Variants in STARD13 observed in about 807,000 individuals in gnomAD.
STARD13 encodes the protein stAR-related lipid transfer protein 13.
In STARD13, 62 loss-of-function variants were observed where a neutral mutation model predicts 106.4. That is an observed-to-expected ratio of 0.58 (90% CI 0.48 to 0.72). STARD13 has a LOEUF of 0.72. Ranked by LOEUF, STARD13 falls within the 30% of genes least tolerant of loss-of-function variation. STARD13 has a pLI of 0.00. For synonymous variants in STARD13, 565 were observed against 553.0 expected (o/e 1.02, Z -0.31); for missense variants, 1,387 against 1,424.0 (o/e 0.97, Z 0.42).
chr13:33,372,146 G>A, the STARD13 span, among the ~76,000 whole-genome samples: 3 of 152,120 alleles, frequency 2.0e-5, no homozygotes, highest in African/African-American at 7.2e-5. Flanking sequence ...ATAAGCAGTC[G>A]GGGAATATAT....
At chr13:33,451,596 G>T in the STARD13 span, among the ~76,000 whole-genome samples, 1 of 152,182 alleles carries the variant, frequency 6.6e-6, no homozygotes. Flanking sequence ...TACACATTGA[G>T]TTTGAAGTGA....
At chr13:33,381,998 A>G in the STARD13 span, among the ~76,000 whole-genome samples, 5 of 152,166 alleles carry the variant, frequency 3.3e-5, no homozygotes, top group Non-Finnish European at 7.3e-5. Flanking sequence ...CATGGCCACA[A>G]AGGATGGGAT....
chr13:33,161,313 T>C (rs911255126), intron 3 of STARD13, among the ~76,000 whole-genome samples: 4 of 151,880 alleles, frequency 2.6e-5, no homozygotes, highest in African/African-American at 9.7e-5. Context: ...GGAAACTGTT[T>C]TATATCTTTT....
the STARD13 span, among the ~76,000 whole-genome samples, chr13:33,572,256 G>T: frequency 6.6e-6 from 1 of 152,098 alleles, no homozygotes; most frequent in Non-Finnish European, 1.5e-5. Flanking sequence ...TCTGTACATT[G>T]TGAATTATAA....
chr13:33,359,123 T>G, the STARD13 span, among the ~76,000 whole-genome samples: 1 of 144,550 alleles, frequency 6.9e-6, no homozygotes, highest in Non-Finnish European at 1.5e-5. Flanking sequence ...CCCGCTCAGG[T>G]TGCCTTCCAC....
At chr13:33,144,513 C>T (rs186279400) in intron 3 of STARD13, among the ~76,000 whole-genome samples, 8 of 152,348 alleles carry the variant, frequency 5.3e-5, no homozygotes, top group South Asian at 2.1e-4. Flanking sequence ...TTTCTCACGT[C>T]GCTCACCGAC....
chr13:33,241,045 G>T (rs1358596153), intron 1 of STARD13, among the ~76,000 whole-genome samples: 2 of 152,138 alleles, frequency 1.3e-5, no homozygotes, highest in Non-Finnish European at 1.5e-5. Context: ...TCCCAAGTTG[G>T]ATATCTTGTG....
intron 1 of STARD13, among the ~76,000 whole-genome samples, chr13:33,252,329 C>A (rs1253261512): frequency 6.6e-6 from 1 of 152,206 alleles, no homozygotes; most frequent in Non-Finnish European, 1.5e-5. Flanking sequence ...CAAGAGGCTG[C>A]CCTGGGAGCA....
chr13:33,142,320 T>G lies in STARD13; in HGVS notation c.377A>C (p.Gln126Pro), dbSNP rs1566020568. 2 of 1,614,026 alleles carry G rather than the reference T, an allele frequency of 1.2e-6. No homozygotes were observed. Among genetic ancestry groups the G allele is most frequent in the Non-Finnish European group, 1.7e-6 (2 of 1,179,942 alleles). ...GGTGTGGGCACCTACCTTTTTCCTT[T>G]GGAAGTTCACATCAAGTTTCATTGA... ...CASMKLDVNFQRKKGDDSDEE... is the reference protein window; with the variant it reads ...CASMKLDVNFPRKKGDDSDEE... Residue 126 changes from glutamine (Q) to proline (P), a missense_variant, in exon 4 of 14, where the codon CAA becomes CCA. Gln to Pro is a moderately conservative substitution (Grantham distance 76, BLOSUM62 -1). Coordinates refer to ENST00000336934, the MANE Select transcript of STARD13 (RefSeq NM_178006.4).
chr13:33,437,292 CGATCACGACCCTCTCA>C, the STARD13 span, among the ~76,000 whole-genome samples: 1 of 152,162 alleles, frequency 6.6e-6, no homozygotes, highest in African/African-American at 2.4e-5. Context: ...CTTGCTCAAT[CGATCACGACCCTCTCA>C]CATGCACCTC....
rs1402486124 is a variant in STARD13 at position 33,105,512 on chromosome 13, G to A, written c.*81C>T. 31 of 968,268 alleles carry A rather than the reference G, an allele frequency of 3.2e-5. No homozygotes were observed. The highest frequency in any genetic ancestry group is 1.5e-4 in the Admixed American group (8 of 55,080). The allele number at this position is 968,268 out of a possible 1,614,324, so 60.0% of individuals were successfully genotyped here. On this transcript the variant is annotated 3_prime_UTR_variant, in exon 14 of 14. Coordinates refer to ENST00000336934, the MANE Select transcript of STARD13 (RefSeq NM_178006.4). The stretch of plus-strand genomic sequence containing the variant: ...GCGTCCTTCAGTTCCTCTTTCTCTC[G>A]CTTTCTCACATGCACACTCTCTGCC...
intron 1 of STARD13, among the ~76,000 whole-genome samples, chr13:33,169,186 G>A (rs1339214045): frequency 6.6e-6 from 1 of 152,212 alleles, no homozygotes; most frequent in African/African-American, 2.4e-5. Context: ...ATTTCTATCA[G>A]AAAAGGAGTC....
the STARD13 span, among the ~76,000 whole-genome samples, chr13:33,635,538 T>C: frequency 6.6e-6 from 1 of 151,812 alleles, no homozygotes; most frequent in Non-Finnish European, 1.5e-5. Flanking sequence ...TGGGCGCCTG[T>C]AGTCCCAGCT....
At chr13:33,251,647 A>C (rs1358330847) in intron 1 of STARD13, among the ~76,000 whole-genome samples, 1 of 152,234 alleles carries the variant, frequency 6.6e-6, no homozygotes, top group African/African-American at 2.4e-5. Flanking sequence ...TTGCATTTCC[A>C]AAAGCTTCTC....
At chr13:33,167,924 T>C (rs1348214837) in intron 1 of STARD13, among the ~76,000 whole-genome samples, 3 of 151,992 alleles carry the variant, frequency 2.0e-5, no homozygotes, top group African/African-American at 7.2e-5. Context: ...AATGTCTTAT[T>C]TATACACCAG....
the STARD13 span, among the ~76,000 whole-genome samples, chr13:33,550,181 T>G: frequency 6.6e-6 from 1 of 152,186 alleles, no homozygotes; most frequent in South Asian, 2.1e-4. Context: ...TCATTCAGTC[T>G]AGATTCCCTA....
At chr13:33,468,009 T>C in the STARD13 span, among the ~76,000 whole-genome samples, 1 of 152,144 alleles carries the variant, frequency 6.6e-6, no homozygotes, top group South Asian at 2.1e-4. Flanking sequence ...AATTGATGCA[T>C]CATCTTTTAG....
intron 1 of STARD13, among the ~76,000 whole-genome samples, chr13:33,342,794 T>C (rs1044047526): frequency 1.3e-5 from 2 of 152,236 alleles, no homozygotes; most frequent in African/African-American, 4.8e-5. Context: ...TAGAAGAATG[T>C]TGAATTTAGA....
the STARD13 span, among the ~76,000 whole-genome samples, chr13:33,438,258 A>G: frequency 6.6e-6 from 1 of 152,230 alleles, no homozygotes; most frequent in East Asian, 1.9e-4. Context: ...CAGGCTGCTC[A>G]TTAGTGTAAA....
Sources: gnomAD v4.1 joint callset for allele counts (sites outside exome capture counted in the v4.1 genomes callset) on GRCh38, gnomAD v4.1.1 for gene constraint, MANE v1.5 for transcripts, NCBI Gene and HGNC (gene_info 2026-07-23, HGNC 2026-07-21) for gene names.